The following AKAP19 variants were observed in gnomAD, a reference collection of about 807,000 sequenced individuals.
The protein encoded by AKAP19 is small A-kinase anchoring protein.
At chr2:190,041,928 T>C in the AKAP19 span, among the ~76,000 whole-genome samples, 1 of 152,146 alleles carries the variant, frequency 6.6e-6, no homozygotes, top group African/African-American at 2.4e-5. Flanking sequence ...AAGTATTTTT[T>C]TTAAGGATTT....
At chr2:189,989,586 G>A in the AKAP19 span, among the ~76,000 whole-genome samples, 1 of 152,022 alleles carries the variant, frequency 6.6e-6, no homozygotes, top group East Asian at 1.9e-4. Flanking sequence ...GGGGTAGAAA[G>A]GGTCACAACA....
the AKAP19 span, among the ~76,000 whole-genome samples, chr2:189,970,656 A>G: frequency 6.6e-6 from 1 of 152,222 alleles, no homozygotes; most frequent in Admixed American, 6.5e-5. Flanking sequence ...GAACACTGCT[A>G]TGTTAAACAA....
the AKAP19 span, among the ~76,000 whole-genome samples, chr2:190,186,087 G>A: frequency 3.9e-5 from 6 of 152,232 alleles, no homozygotes; most frequent in African/African-American, 1.4e-4. This position sits in a 1 kb window ranked among gnomAD's most constrained non-coding sequence, Gnocchi z 5.5. Flanking sequence ...TAGTAGCTGG[G>A]ATTACAGGCA....
chr2:189,946,115 C>CT, the AKAP19 span, among the ~76,000 whole-genome samples: 2 of 152,174 alleles, frequency 1.3e-5, no homozygotes, highest in Non-Finnish European at 2.9e-5. Context: ...TCCCAGGATA[C>CT]TTTATAAATT....
the AKAP19 span, among the ~76,000 whole-genome samples, chr2:189,921,402 T>C: frequency 6.6e-6 from 1 of 152,192 alleles, no homozygotes; most frequent in Non-Finnish European, 1.5e-5. Flanking sequence ...CTGTGACCAT[T>C]GGATTTGACA....
At chr2:190,198,817 T>C in the AKAP19 span, among the ~76,000 whole-genome samples, 1 of 152,154 alleles carries the variant, frequency 6.6e-6, no homozygotes, top group Non-Finnish European at 1.5e-5. Context: ...TTAGTTATCC[T>C]TAAGTCCCTT....
At chr2:190,113,978 C>A in the AKAP19 span, among the ~76,000 whole-genome samples, 1 of 152,156 alleles carries the variant, frequency 6.6e-6, no homozygotes, top group Admixed American at 6.5e-5. Flanking sequence ...TTACCATCTA[C>A]TGGATAATCA....
At chr2:189,916,363 C>T in the AKAP19 span, among the ~76,000 whole-genome samples, 1 of 149,904 alleles carries the variant, frequency 6.7e-6, no homozygotes, top group Non-Finnish European at 1.5e-5. Flanking sequence ...GAGCTGTCGC[C>T]CAGGCTGGAG....
chr2:190,005,513 C>T, the AKAP19 span, among the ~76,000 whole-genome samples: 6 of 152,238 alleles, frequency 3.9e-5, no homozygotes, highest in Admixed American at 6.5e-5. Context: ...GCCACCTTCT[C>T]CTCAGCCTCA....
chr2:189,954,212 T>C, the AKAP19 span, among the ~76,000 whole-genome samples: 2 of 152,232 alleles, frequency 1.3e-5, no homozygotes, highest in Admixed American at 1.3e-4. Flanking sequence ...TATCAGATTA[T>C]AAGAAAACAG....
the AKAP19 span, chr2:190,200,186 A>G: frequency 1.3e-6 from 2 of 1,569,098 alleles, no homozygotes; most frequent in African/African-American, 1.4e-5. Context: ...TGGAGGTGCT[A>G]GTTTGAATAA....
chr2:190,084,069 T>C, the AKAP19 span, among the ~76,000 whole-genome samples: 2 of 150,600 alleles, frequency 1.3e-5, no homozygotes, highest in Non-Finnish European at 3.0e-5. Flanking sequence ...TCTAATTTAA[T>C]TGGTCTGGAG....
At chr2:190,129,034 G>A in the AKAP19 span, among the ~76,000 whole-genome samples, 3 of 152,110 alleles carry the variant, frequency 2.0e-5, no homozygotes, top group Admixed American at 6.5e-5. Context: ...ATTGAAATTA[G>A]GTTGTACATA....
At chr2:190,139,481 TA>T in the AKAP19 span, among the ~76,000 whole-genome samples, 1 of 152,160 alleles carries the variant, frequency 6.6e-6, no homozygotes, top group East Asian at 1.9e-4. Context: ...GAGTAATTTA[TA>T]AAGGAAAGAG....
chr2:190,007,554 T>C, the AKAP19 span, among the ~76,000 whole-genome samples: 20 of 152,354 alleles, frequency 1.3e-4, no homozygotes, highest in South Asian at 1.9e-3. Flanking sequence ...GTGGGACTAA[T>C]AATGATTTTC....
chr2:189,911,979 A>G, the AKAP19 span, among the ~76,000 whole-genome samples: 1 of 152,078 alleles, frequency 6.6e-6, no homozygotes, highest in Non-Finnish European at 1.5e-5. Flanking sequence ...TAGAAAATAA[A>G]TATGTAATTA....
the AKAP19 span, among the ~76,000 whole-genome samples, chr2:189,914,130 G>A: frequency 4.5e-3 from 677 of 152,084 alleles, 7 homozygotes; most frequent in African/African-American, 0.015. Context: ...TTCCACTACT[G>A]AACTGTCTCA....
the AKAP19 span, among the ~76,000 whole-genome samples, chr2:189,969,554 C>T: frequency 3.3e-5 from 5 of 151,548 alleles, no homozygotes; most frequent in Non-Finnish European, 5.9e-5. Flanking sequence ...GATGGTGAAA[C>T]CCCGTCTCTA....
chr2:190,027,080 C>T, the AKAP19 span, among the ~76,000 whole-genome samples: 2 of 152,116 alleles, frequency 1.3e-5, no homozygotes, highest in African/African-American at 4.8e-5. Context: ...AGCTTTATTG[C>T]AAGTACTAAA....
Sources: gnomAD v4.1 joint callset for allele counts (sites outside exome capture counted in the v4.1 genomes callset) on GRCh38, gnomAD v4.1.1 for gene constraint, Gnocchi (gnomAD v3.1) non-coding constraint, MANE v1.5 for transcripts, NCBI Gene and HGNC (gene_info 2026-07-23, HGNC 2026-07-21) for gene names.